Variants in TBXAS1 observed in about 807,000 individuals in gnomAD.
TBXAS1 encodes thromboxane A synthase 1.
A neutral mutation model predicts 60.7 loss-of-function variants in TBXAS1; 48 were observed. The observed-to-expected ratio is 0.79, with a 90% CI of 0.63 to 1.01. The LOEUF (loss-of-function observed/expected upper bound fraction) is 1.01. Ranked by LOEUF, TBXAS1 falls within the 50% of genes least tolerant of loss-of-function variation. TBXAS1 has a pLI of 0.00. For missense variants in TBXAS1, 685 were observed against 686.3 expected, an observed-to-expected ratio of 1.00 and a Z score of 0.02; for synonymous variants, 287 against 269.7, an observed-to-expected ratio of 1.06 and a Z score of -0.63.
intron 3 of TBXAS1, among the ~76,000 whole-genome samples, chr7:139,889,565 G>C (rs1475075879): frequency 6.6e-6 from 1 of 152,300 alleles, no homozygotes; most frequent in African/African-American, 2.4e-5. Flanking sequence ...AGACTGGGTG[G>C]CTTATGAATA....
At chr7:139,934,079 CTT>C (rs1187724484) in intron 4 of TBXAS1, among the ~76,000 whole-genome samples, 1 of 152,336 alleles carries the variant, frequency 6.6e-6, no homozygotes, top group East Asian at 1.9e-4. Context: ...AAGAAATACA[CTT>C]TCCCTCCAGG....
At chr7:139,829,178 C>A, upstream of TBXAS1, 1 of 677,770 alleles carries the variant, frequency 1.5e-6, no homozygotes, top group Non-Finnish European at 2.7e-6. Flanking sequence ...TGATTCATTC[C>A]TTTACACTGA....
intron 9 of TBXAS1, among the ~76,000 whole-genome samples, chr7:140,002,020 G>A (rs1186626626): frequency 4.6e-5 from 7 of 152,266 alleles, no homozygotes; most frequent in Non-Finnish European, 7.4e-5. Flanking sequence ...TGGAAGCTCC[G>A]AGAGGCTAGG....
chr7:139,841,631 AT>A (rs55744496), intron 1 of TBXAS1, among the ~76,000 whole-genome samples: 102,782 of 151,880 alleles, frequency 0.68, 36,883 homozygotes, highest in East Asian at 0.92. Flanking sequence ...ACAGAATATT[AT>A]TTTTTTTGTT....
intron 12 of TBXAS1, among the ~76,000 whole-genome samples, chr7:140,018,554 A>G (rs963773393): frequency 6.6e-6 from 1 of 151,538 alleles, no homozygotes; most frequent in Non-Finnish European, 1.5e-5. Flanking sequence ...TTCCAGCCCT[A>G]TCTCCCCCCC....
chr7:139,920,755 T>C (rs1018606204), intron 4 of TBXAS1, among the ~76,000 whole-genome samples: 1 of 152,196 alleles, frequency 6.6e-6, no homozygotes, highest in Non-Finnish European at 1.5e-5. Flanking sequence ...CTGAAAACCA[T>C]TGTTTGGCTG....
At chr7:139,942,596 C>T (rs1808379747) in intron 5 of TBXAS1, among the ~76,000 whole-genome samples, 1 of 152,198 alleles carries the variant, frequency 6.6e-6, no homozygotes, top group Non-Finnish European at 1.5e-5. Context: ...ACCCAGATAA[C>T]TAAGAGCTGA....
chr7:139,843,366 G>T (rs1799594196), intron 1 of TBXAS1, among the ~76,000 whole-genome samples: 1 of 149,536 alleles, frequency 6.7e-6, no homozygotes, highest in Admixed American at 6.7e-5. Flanking sequence ...ATTTAGAGAT[G>T]GAGTCTCACT....
intron 4 of TBXAS1, among the ~76,000 whole-genome samples, chr7:139,814,622 G>C (rs1256511858): frequency 6.6e-6 from 1 of 152,126 alleles, no homozygotes; most frequent in African/African-American, 2.4e-5. Context: ...TTAGGGCCTT[G>C]GGGAAATATG....
intron 3 of TBXAS1, among the ~76,000 whole-genome samples, chr7:139,903,866 A>G (rs1024042755): frequency 9.9e-5 from 15 of 151,844 alleles, no homozygotes; most frequent in Admixed American, 7.9e-4. Flanking sequence ...TTTGTCAGAT[A>G]TATAGATTGT....
chr7:139,783,421 C>T (rs1034141096), intron 3 of TBXAS1, among the ~76,000 whole-genome samples: 32 of 150,828 alleles, frequency 2.1e-4, no homozygotes, highest in Non-Finnish European at 4.4e-5. Context: ...GAAGGTAGGG[C>T]GATTTTGTTG....
intron 11 of TBXAS1, chr7:140,016,432 G>T: frequency 3.4e-6 from 1 of 298,246 alleles, no homozygotes; most frequent in South Asian, 3.2e-5. Flanking sequence ...CAGCAGCCCT[G>T]CATGCAAGGA....
rs373523415 is a variant in TBXAS1 at position 139,961,894 on chromosome 7, G to A, written c.820-25G>A. The stretch of plus-strand genomic sequence containing the variant: ...CTTCATGACTGTAAGGTCAAAATGT[G>A]CATTTTTCTCCTTTTGTTCCTTAGA... On this transcript the variant is annotated intron_variant, in intron 8 of 12. Transcript: ENST00000448866. The A allele has an allele frequency of 8.1e-6, 13 of 1,613,916 alleles. No homozygotes were observed. In the African/African-American group the frequency reaches 1.7e-4, roughly 22 times the overall value.
intron 9 of TBXAS1, among the ~76,000 whole-genome samples, chr7:140,000,405 G>A (rs888491750): frequency 5.9e-5 from 9 of 152,140 alleles, no homozygotes; most frequent in African/African-American, 1.9e-4. Context: ...TTACTCTGGC[G>A]GCTGAGGCAG....
chr7:139,961,416 A>T (rs948250815), intron 8 of TBXAS1, among the ~76,000 whole-genome samples: 11 of 152,252 alleles, frequency 7.2e-5, no homozygotes, highest in Admixed American at 3.3e-4. Flanking sequence ...AACCAACAGT[A>T]CAAAAATGTA....
intron 1 of TBXAS1, among the ~76,000 whole-genome samples, chr7:139,857,173 C>T (rs1800637263): frequency 6.6e-6 from 1 of 152,104 alleles, no homozygotes; most frequent in Middle Eastern, 3.2e-3. Flanking sequence ...TTCTCCAGCC[C>T]CTGGAAGCTG....
intron 4 of TBXAS1, among the ~76,000 whole-genome samples, chr7:139,931,340 GC>G (rs1244944803): frequency 6.6e-6 from 1 of 152,160 alleles, no homozygotes; most frequent in Non-Finnish European, 1.5e-5. Flanking sequence ...ACAGACAGGA[GC>G]CTCGAAAGCT....
upstream of TBXAS1, among the ~76,000 whole-genome samples, chr7:139,827,823 C>G (rs1798485520): frequency 6.6e-6 from 1 of 152,208 alleles, no homozygotes; most frequent in Non-Finnish European, 1.5e-5. Flanking sequence ...TCCCTTCCAG[C>G]TTGTAGGTTT....
chr7:139,953,600 A>G (rs1044253667), intron 6 of TBXAS1, 144 bp downstream of exon 6: 7 of 791,616 alleles, frequency 8.8e-6, no homozygotes, highest in African/African-American at 1.7e-5. Context: ...ACTGATTAAT[A>G]AAAAGAAAAG....
Sources: allele counts gnomAD v4.1 joint callset (sites outside exome capture counted in the v4.1 genomes callset), GRCh38; gene constraint gnomAD v4.1.1; transcripts MANE v1.5; gene names NCBI Gene and HGNC (gene_info 2026-07-23, HGNC 2026-07-21).